The following AGBL4 variants were observed in gnomAD, a reference collection of about 807,000 sequenced individuals.
AGBL4 encodes the protein AGBL carboxypeptidase 4.
Under a neutral mutation model 66.4 loss-of-function variants are expected in AGBL4, and 58 were observed. The ratio of observed to expected loss-of-function variants is 0.87; its 90% CI spans 0.71 to 1.09. The LOEUF (loss-of-function observed/expected upper bound fraction) is 1.09, where lower values mean the gene tolerates loss of function less well. AGBL4 is among the 50% of genes least tolerant of loss of function. AGBL4 has a pLI of 0.00. For missense variants in AGBL4, 579 were observed against 631.0 expected (o/e 0.92, Z 0.88); for synonymous variants, 234 against 222.9 (o/e 1.05, Z -0.44).
At chr1:49,723,672 ATCTTTCCCCATCATCTTTTCTTATCACTT>A (rs1365824854) in intron 2 of AGBL4, among the ~76,000 whole-genome samples, 3 of 152,136 alleles carry the variant, frequency 2.0e-5, no homozygotes, top group Non-Finnish European at 4.4e-5. Flanking sequence ...AGAAGAATTA[ATCTTTCCCCATCATCTTTTCTTATCACTT>A]TCTTTATTAT....
intron 5 of AGBL4, among the ~76,000 whole-genome samples, chr1:48,869,693 C>T (rs979068315): frequency 4.6e-5 from 7 of 152,116 alleles, no homozygotes; most frequent in African/African-American, 9.7e-5. Flanking sequence ...GGGAGCCAAA[C>T]GCAACCAGGT....
intron 4 of AGBL4, among the ~76,000 whole-genome samples, chr1:49,197,290 G>A (rs184172226): frequency 6.6e-6 from 1 of 152,166 alleles, no homozygotes; most frequent in African/African-American, 2.4e-5. Context: ...ACCATGAGCA[G>A]GCTCATGACC....
intron 5 of AGBL4, among the ~76,000 whole-genome samples, chr1:48,979,724 T>C (rs1190843152): frequency 1.3e-5 from 2 of 152,058 alleles, no homozygotes; most frequent in Non-Finnish European, 2.9e-5. Flanking sequence ...GGCAGGGATA[T>C]ATAATGTAAG....
Position 49,665,639 on chromosome 1 carries a change from T to C in AGBL4, c.282+31674A>G, listed in dbSNP as rs139013485. ...AAGAGACCAAGAAAATCTGTCTCCATGCAAAAAAAGTTCTCAATTAACCAT... is the reference window on the plus strand; with the variant it reads ...AAGAGACCAAGAAAATCTGTCTCCACGCAAAAAAAGTTCTCAATTAACCAT... On this transcript the variant is annotated intron_variant, in intron 3 of 13. Transcript: ENST00000371839. Among the ~76,000 whole-genome samples, 183 of 152,186 alleles carry C rather than the reference T, an allele frequency of 1.2e-3. 1 individual carries two copies. Among genetic ancestry groups the C allele is most frequent in the Middle Eastern group, 6.8e-3 (2 of 292 alleles).
At chr1:49,389,196 G>T (rs1272900086) in intron 3 of AGBL4, among the ~76,000 whole-genome samples, 2 of 151,922 alleles carry the variant, frequency 1.3e-5, no homozygotes, top group Non-Finnish European at 2.9e-5. Flanking sequence ...GGAATGAGTT[G>T]GATATCATAG....
intron 6 of AGBL4, among the ~76,000 whole-genome samples, chr1:48,712,926 G>A (rs543798277): frequency 6.6e-6 from 1 of 152,336 alleles, no homozygotes; most frequent in Admixed American, 6.5e-5. Context: ...AGGAAACCCT[G>A]GAGGGAAGTC....
intron 6 of AGBL4, among the ~76,000 whole-genome samples, chr1:48,689,167 T>C (rs78745439): frequency 0.045 from 6,001 of 133,068 alleles, 403 homozygotes; most frequent in African/African-American, 0.16. Flanking sequence ...GTTGTGCCAC[T>C]GAACTCAGCC....
intron 3 of AGBL4, among the ~76,000 whole-genome samples, chr1:49,563,733 G>T (rs1296957780): frequency 6.6e-6 from 1 of 151,828 alleles, no homozygotes; most frequent in Non-Finnish European, 1.5e-5. Flanking sequence ...GAGGATTTTT[G>T]CATCAATGTT....
At chr1:49,620,518 T>C (rs1645339108) in intron 3 of AGBL4, among the ~76,000 whole-genome samples, 2 of 152,186 alleles carry the variant, frequency 1.3e-5, no homozygotes, top group Admixed American at 1.3e-4. Flanking sequence ...ACACTGTTGC[T>C]GGGAGTGTCA....
intron 7 of AGBL4, among the ~76,000 whole-genome samples, 160 bp from the exon 8 acceptor site, chr1:48,653,611 A>G (rs897133093): frequency 6.6e-6 from 1 of 152,228 alleles, no homozygotes; most frequent in East Asian, 1.9e-4. Flanking sequence ...CGTTATCTGT[A>G]TAAACTGTAT....
chr1:49,852,415 G>A (rs1250934804), intron 1 of AGBL4, among the ~76,000 whole-genome samples: 2 of 152,132 alleles, frequency 1.3e-5, no homozygotes, highest in African/African-American at 2.4e-5. Flanking sequence ...AGACACACAG[G>A]GAATTCACGT....
intron 4 of AGBL4, among the ~76,000 whole-genome samples, chr1:49,165,563 A>G (rs1177398736): frequency 6.6e-6 from 1 of 151,968 alleles, no homozygotes; most frequent in African/African-American, 2.4e-5. Flanking sequence ...TTGGAAGGGA[A>G]TTTAATAAAT....
chr1:49,415,243 A>G (rs1382896327), intron 3 of AGBL4, among the ~76,000 whole-genome samples: 6 of 152,102 alleles, frequency 3.9e-5, no homozygotes, highest in Admixed American at 1.3e-4. Flanking sequence ...CTCCTACTAC[A>G]TTTTGAGCTC....
At position 49,255,980 on chromosome 1, in the gene AGBL4, G is replaced by C. The variant is rs1652460667; in HGVS notation, c.283-10116C>G. Reference sequence around the variant, plus strand: ...AATGATAACACATGGTCACACAGAGGGGAACAACACACACTGGGGCCTATG... The same window carrying C: ...AATGATAACACATGGTCACACAGAGCGGAACAACACACACTGGGGCCTATG... On this transcript the variant is annotated intron_variant, in intron 3 of 13. Transcript: ENST00000371839. Among the ~76,000 whole-genome samples, 8 of 152,174 alleles carry C rather than the reference G, an allele frequency of 5.3e-5. No homozygotes were observed. In the South Asian group the frequency reaches 1.7e-3, roughly 32 times the overall value.
At position 49,431,627 on chromosome 1, in the gene AGBL4, T is replaced by A. The variant is rs374027148; in HGVS notation, c.283-185763A>T. Among the ~76,000 whole-genome samples the A allele has an allele frequency of 1.3e-4, 20 of 152,320 alleles. 1 individual carries two copies. The highest frequency in any genetic ancestry group is 4.8e-4 in the African/African-American group (20 of 41,582). ...TCCAGCATTTTGTACATCTCCATTGTACATTTTGCTGTAATCATGTATTTT... is the reference window on the plus strand; with the variant it reads ...TCCAGCATTTTGTACATCTCCATTGAACATTTTGCTGTAATCATGTATTTT... On this transcript the variant is annotated intron_variant, in intron 3 of 13. Transcript: ENST00000371839.
At chr1:49,372,631 CTTT>C (rs1644378853) in intron 3 of AGBL4, among the ~76,000 whole-genome samples, 2 of 125,498 alleles carry the variant, frequency 1.6e-5, no homozygotes, top group South Asian at 2.5e-4. Context: ...TTCTTTCTTT[CTTT>C]CTTTCTTTCT....
chr1:49,395,788 TGTATATATATACATATATATATGTATAC>T (rs1017929858), intron 3 of AGBL4, among the ~76,000 whole-genome samples: 4 of 137,258 alleles, frequency 2.9e-5, no homozygotes, highest in Admixed American at 2.3e-4. Flanking sequence ...TGTGTATATA[TGTATATATATACATATATATATGTATAC>T]ATATATATAT....
Position 49,095,760 on chromosome 1 carries a change from AT to A in AGBL4, c.378-49961del, listed in dbSNP as rs1357303394. On this transcript the variant is annotated intron_variant, in intron 4 of 13. Transcript: ENST00000371839. The stretch of plus-strand genomic sequence containing the variant: ...CCTAGAAGAAAACCTAGGCAATACC[AT>A]TCAGGACATAGGCATGGGCAAGGAC... 1.8e-4 allele frequency among the ~76,000 whole-genome samples: 27 copies of A among 151,834 alleles called. No homozygotes were observed. The South Asian group carries it at 4.6e-3, about 26-fold the overall frequency.
At chr1:49,925,648 G>A (rs1449459477) in intron 1 of AGBL4, among the ~76,000 whole-genome samples, 1 of 152,154 alleles carries the variant, frequency 6.6e-6, no homozygotes, top group Non-Finnish European at 1.5e-5. Flanking sequence ...GGAGCCCACT[G>A]CAATGAAACA....
Sources: gnomAD v4.1 joint callset for allele counts (sites outside exome capture counted in the v4.1 genomes callset) on GRCh38, gnomAD v4.1.1 for gene constraint, MANE v1.5 for transcripts, NCBI Gene and HGNC (gene_info 2026-07-23, HGNC 2026-07-21) for gene names.